Variants in SEMA3A observed in about 807,000 individuals in gnomAD.
SEMA3A encodes the protein semaphorin-3A.
In SEMA3A, 29 loss-of-function variants were observed where a neutral mutation model predicts 97.9. The observed-to-expected ratio is 0.30, with a 90% CI of 0.22 to 0.40. The LOEUF (loss-of-function observed/expected upper bound fraction) is 0.40. Among genes scored for constraint, SEMA3A ranks in the 10% least tolerant of loss-of-function variants. The pLI is 1.00. For synonymous variants in SEMA3A, 321 were observed against 323.7 expected, an observed-to-expected ratio of 0.99 and a Z score of 0.09; for missense variants, 763 against 951.3, an observed-to-expected ratio of 0.80 and a Z score of 2.60.
intron 1 of SEMA3A, among the ~76,000 whole-genome samples, chr7:84,435,391 C>T (rs1320635752): frequency 6.6e-6 from 1 of 152,054 alleles, no homozygotes; most frequent in African/African-American, 2.4e-5. Flanking sequence ...GGGCGGATCA[C>T]GAGGTCAGGA....
chr7:84,342,181 A>G (rs371823139), intron 2 of SEMA3A, among the ~76,000 whole-genome samples: 24 of 152,130 alleles, frequency 1.6e-4, no homozygotes, highest in African/African-American at 5.8e-4. Context: ...GATTACAGTC[A>G]TGCAGCACCA....
intron 1 of SEMA3A, among the ~76,000 whole-genome samples, chr7:84,467,556 A>G (rs1052198653): frequency 1.3e-5 from 2 of 149,136 alleles, no homozygotes; most frequent in African/African-American, 5.0e-5. Flanking sequence ...AAAAAATTCA[A>G]TTCCAGGCAC....
intron 3 of SEMA3A, among the ~76,000 whole-genome samples, chr7:84,203,502 G>GTGTGTGTA (rs1348437430): frequency 4.0e-4 from 23 of 57,022 alleles, no homozygotes; most frequent in African/African-American, 1.6e-3. Context: ...TTGTGTGTGT[G>GTGTGTGTA]TATATATATA....
chr7:84,293,758 T>C (rs1457574686), intron 3 of SEMA3A, among the ~76,000 whole-genome samples: 1 of 152,016 alleles, frequency 6.6e-6, no homozygotes, highest in African/African-American at 2.4e-5. Flanking sequence ...TTAGTCAAAA[T>C]ATAAGAATCC....
At chr7:84,068,660 C>G (rs1374256089) in intron 4 of SEMA3A, among the ~76,000 whole-genome samples, 5 of 152,072 alleles carry the variant, frequency 3.3e-5, no homozygotes, top group South Asian at 2.1e-4. Context: ...CTGACACAGA[C>G]AGACGTGCTA....
intron 4 of SEMA3A, among the ~76,000 whole-genome samples, chr7:84,077,779 A>G (rs193143288): frequency 6.6e-5 from 10 of 152,142 alleles, no homozygotes; most frequent in Admixed American, 2.6e-4. Flanking sequence ...AGGATCCTTA[A>G]AAATGTCCAT....
chr7:84,398,380 C>A (rs1458517670), intron 1 of SEMA3A, among the ~76,000 whole-genome samples: 2 of 152,138 alleles, frequency 1.3e-5, no homozygotes, highest in Non-Finnish European at 2.9e-5. Flanking sequence ...ACGTGACATT[C>A]ATGACAATTT....
chr7:84,201,227 CT>C (rs983442581), intron 3 of SEMA3A, among the ~76,000 whole-genome samples: 1 of 151,940 alleles, frequency 6.6e-6, no homozygotes, highest in African/African-American at 2.4e-5. Context: ...AGGAAGAGGA[CT>C]TTTTTCTTTG....
intron 6 of SEMA3A, among the ~76,000 whole-genome samples, chr7:84,036,394 A>T (rs569679013): frequency 7.2e-5 from 11 of 152,210 alleles, no homozygotes; most frequent in Non-Finnish European, 7.4e-5. Flanking sequence ...ATTTGCATTT[A>T]AAAAAATGGA....
intron 4 of SEMA3A, among the ~76,000 whole-genome samples, chr7:84,077,026 G>A (rs530083303): frequency 2.0e-5 from 3 of 152,198 alleles, no homozygotes; most frequent in African/African-American, 7.2e-5. Flanking sequence ...TCATATGCCT[G>A]CCATGGTATA....
At chr7:84,345,666 T>A (rs975637940) in intron 2 of SEMA3A, among the ~76,000 whole-genome samples, 3 of 152,180 alleles carry the variant, frequency 2.0e-5, no homozygotes, top group African/African-American at 7.2e-5. Flanking sequence ...TCCTTATCCA[T>A]TGGAGTTTTA....
chr7:84,365,530 T>C (rs970651510), intron 2 of SEMA3A, among the ~76,000 whole-genome samples: 1 of 151,624 alleles, frequency 6.6e-6, no homozygotes, highest in Non-Finnish European at 1.5e-5. Flanking sequence ...TTCTTCACTT[T>C]TGCGAAGACT....
intron 2 of SEMA3A, among the ~76,000 whole-genome samples, chr7:84,366,003 A>C (rs1301180846): frequency 6.6e-6 from 1 of 151,490 alleles, no homozygotes; most frequent in African/African-American, 2.4e-5. Flanking sequence ...ACTACTTTTT[A>C]ACTAAATGAT....
chr7:84,156,241 T>C lies in SEMA3A; in HGVS notation c.113-21290A>G, dbSNP rs541370426. 2.6e-5 allele frequency among the ~76,000 whole-genome samples: 4 copies of C among 152,264 alleles called. No individual in the cohort carries two copies. The East Asian group carries it at 7.7e-4, about 29-fold the overall frequency. On this transcript the variant is annotated intron_variant, in intron 1 of 16. Transcript: ENST00000265362. ...TTTCTTACTTCTTAGGGTGTGTATC[T>C]GACTAAAGTATAGCATTTTTTGCTT...
chr7:84,079,230 A>G (rs1794065041), intron 4 of SEMA3A, among the ~76,000 whole-genome samples: 2 of 152,138 alleles, frequency 1.3e-5, no homozygotes, highest in South Asian at 4.1e-4. Flanking sequence ...TAAACATTCG[A>G]CCTAAAACCA....
chr7:84,243,504 A>C (rs1799413561), intron 3 of SEMA3A, among the ~76,000 whole-genome samples: 1 of 151,880 alleles, frequency 6.6e-6, no homozygotes, highest in Non-Finnish European at 1.5e-5. Context: ...CCCCTTTATC[A>C]TTTTTTATTG....
At chr7:84,091,813 G>A (rs975965957) in intron 4 of SEMA3A, among the ~76,000 whole-genome samples, 3 of 152,150 alleles carry the variant, frequency 2.0e-5, no homozygotes, top group African/African-American at 7.2e-5. Flanking sequence ...GAGCCAGTTT[G>A]ATGATAATGT....
intron 1 of SEMA3A, among the ~76,000 whole-genome samples, chr7:84,398,150 T>C (rs188059244): frequency 1.3e-5 from 2 of 152,288 alleles, no homozygotes; most frequent in African/African-American, 4.8e-5. Flanking sequence ...CTTTCAAATA[T>C]AAATATTCTA....
chr7:84,132,929 C>CGGTGG (rs1796010238), intron 2 of SEMA3A, among the ~76,000 whole-genome samples: 1 of 152,014 alleles, frequency 6.6e-6, no homozygotes, highest in South Asian at 2.1e-4. Context: ...CCCGCCTTGG[C>CGGTGG]CTCCTGAAAT....
Sources: allele counts gnomAD v4.1 joint callset (sites outside exome capture counted in the v4.1 genomes callset), GRCh38; gene constraint gnomAD v4.1.1; transcripts MANE v1.5; gene names NCBI Gene and HGNC (gene_info 2026-07-23, HGNC 2026-07-21).